GTPBP4: variants seen among roughly 807,000 people sequenced by gnomAD.
The protein encoded by GTPBP4 is GTP-binding protein 4.
A neutral mutation model predicts 81.7 loss-of-function variants in GTPBP4; 15 were observed. That is an observed-to-expected ratio of 0.18 (90% CI 0.12 to 0.28). The LOEUF (loss-of-function observed/expected upper bound fraction) is 0.28. GTPBP4 is among the 10% of genes least tolerant of loss of function. GTPBP4 has a pLI of 1.00. For synonymous variants in GTPBP4, 272 were observed against 274.6 expected, an observed-to-expected ratio of 0.99 and a Z score of 0.09; for missense variants, 847 against 793.8, an observed-to-expected ratio of 1.07 and a Z score of -0.81.
intron 5 of GTPBP4, among the ~76,000 whole-genome samples, chr10:998,407 C>A (rs566512729): frequency 6.6e-6 from 1 of 152,232 alleles, no homozygotes; most frequent in Non-Finnish European, 1.5e-5. Context: ...ACCTTAAGAT[C>A]ACTTTTGCTT....
intron 6 of GTPBP4, among the ~76,000 whole-genome samples, chr10:1,000,394 C>T (rs534758959): frequency 1.3e-5 from 2 of 151,624 alleles, no homozygotes; most frequent in Non-Finnish European, 2.9e-5. Flanking sequence ...CCCGCCACCA[C>T]GCCCAGCTAA....
chr10:1,014,069 C>T (rs992225633), intron 14 of GTPBP4, among the ~76,000 whole-genome samples, 178 bp from the exon 15 acceptor site: 5 of 152,094 alleles, frequency 3.3e-5, no homozygotes, highest in Non-Finnish European at 5.9e-5. Context: ...TGTTAGTTTT[C>T]GTGGGATTTA....
chr10:1,009,365 C>T (rs1047830856), intron 11 of GTPBP4, among the ~76,000 whole-genome samples, 164 bp from the exon 12 acceptor site: 12 of 152,174 alleles, frequency 7.9e-5, no homozygotes, highest in Admixed American at 5.9e-4. Flanking sequence ...AGGCTGGCCC[C>T]GCAGACAGGG....
At chr10:1,007,801 G>C (rs1325978197) in intron 10 of GTPBP4, 5 of 468,286 alleles carry the variant, frequency 1.1e-5, no homozygotes, top group African/African-American at 9.9e-5. Flanking sequence ...CTGACTGTCA[G>C]TCTTGTGTAA....
At position 992,529 on chromosome 10, in the gene GTPBP4, C is replaced by A; in HGVS notation, c.89C>A (p.Thr30Asn). Residue 30 changes from threonine (T) to asparagine (N), a missense_variant, in exon 2 of 17, where the codon ACT becomes AAT. Coordinates refer to ENST00000360803, the MANE Select transcript of GTPBP4 (RefSeq NM_012341.3). ...ACGTTGTCGAAGACTCAACGAAAGACTCCAACCGTTATTCATAAACATTAC... is the reference window on the plus strand; with the variant it reads ...ACGTTGTCGAAGACTCAACGAAAGAATCCAACCGTTATTCATAAACATTAC... ...DLTLSKTQRK[T>N]PTVIHKHYQI... The A allele has an allele frequency of 6.2e-7, 1 of 1,605,958 alleles. No homozygotes were observed. Among genetic ancestry groups the A allele is most frequent in the Non-Finnish European group, 8.5e-7 (1 of 1,172,888 alleles).
intron 6 of GTPBP4, among the ~76,000 whole-genome samples, chr10:999,367 C>T (rs912733839): frequency 6.6e-6 from 1 of 152,082 alleles, no homozygotes; most frequent in South Asian, 2.1e-4. Flanking sequence ...GTGATCTGCC[C>T]GCCTTGGCCT....
At chr10:1,007,160 A>T (rs1337909752) in intron 10 of GTPBP4, 32 bp downstream of exon 10, 9 of 1,207,082 alleles carry the variant, frequency 7.5e-6, no homozygotes, top group Non-Finnish European at 1.1e-5. Context: ...CCGTGGGCTC[A>T]CAGTACTGTC....
intron 10 of GTPBP4, among the ~76,000 whole-genome samples, chr10:1,007,599 G>GT (rs1276770866): frequency 3.9e-5 from 6 of 152,206 alleles, no homozygotes; most frequent in Non-Finnish European, 5.9e-5. Flanking sequence ...AATTTTCATT[G>GT]TTTTGTCCAT....
At chr10:993,726 A>C (rs185777050) in intron 2 of GTPBP4, among the ~76,000 whole-genome samples, 2 of 152,318 alleles carry the variant, frequency 1.3e-5, no homozygotes, top group East Asian at 3.9e-4. Context: ...TAGTCCCTGA[A>C]GGCAGGTGTA....
At chr10:1,010,346 A>C in intron 12 of GTPBP4, 74 bp from the exon 13 acceptor site, 2 of 769,896 alleles carry the variant, frequency 2.6e-6, no homozygotes, top group Non-Finnish European at 2.3e-6. Context: ...GTCAGTCACA[A>C]CTCATTTTGC....
intron 8 of GTPBP4, among the ~76,000 whole-genome samples, chr10:1,002,471 G>A (rs1262222449): frequency 2.6e-5 from 4 of 152,148 alleles, no homozygotes; most frequent in African/African-American, 9.7e-5. Context: ...TTCAGTCTAT[G>A]TGTGTCTTAA....
intron 5 of GTPBP4, among the ~76,000 whole-genome samples, 173 bp from the exon 6 acceptor site, chr10:998,830 C>G (rs1407289997): frequency 6.6e-6 from 1 of 152,154 alleles, no homozygotes; most frequent in East Asian, 1.9e-4. Flanking sequence ...GTACCCCAGT[C>G]CTTGGCCTGG....
At position 1,019,823 on chromosome 10, in the gene GTPBP4, C is replaced by G; in HGVS notation, c.*2596C>G. 6.2e-7 allele frequency: 1 copy of G among 1,612,250 alleles called. No homozygotes were observed. The highest frequency in any genetic ancestry group is 8.5e-7 in the Non-Finnish European group (1 of 1,178,362). On this transcript the variant is annotated 3_prime_UTR_variant, in exon 17 of 17. Coordinates refer to ENST00000360803, the MANE Select transcript of GTPBP4 (RefSeq NM_012341.3). ...GATAGATTGTCATGAACACAATGTC[C>G]TCTGGAGAAATCTATTGACAGAAAT...
intron 5 of GTPBP4, among the ~76,000 whole-genome samples, chr10:998,626 A>G (rs1319426741): frequency 6.6e-6 from 1 of 151,536 alleles, no homozygotes; most frequent in African/African-American, 2.4e-5. Flanking sequence ...GAAAATTTCA[A>G]CTCCTCAGTC....
chr10:1,006,600 T>TGCACTACA (rs1382946356), intron 9 of GTPBP4, among the ~76,000 whole-genome samples: 1 of 152,096 alleles, frequency 6.6e-6, no homozygotes, highest in Non-Finnish European at 1.5e-5. Flanking sequence ...ATCATGCCAC[T>TGCACTACA]GCACTACAGC....
In GTPBP4 at chr10:1,017,213, A is replaced by G. The variant is rs1344741811; in HGVS notation, c.1891A>G (p.Lys631Glu). The change falls in exon 17 of 17, where the codon AAG becomes GAG. Residue 631 changes from lysine to glutamate, a missense_variant. By Grantham distance (56) the Lys-to-Glu change is moderately conservative. Around this residue, in one of 3 missense-constraint regions of GTPBP4, gnomAD observed 600 missense variants for 557.1 expected, o/e 1.08. Coordinates refer to ENST00000360803, the MANE Select transcript of GTPBP4 (RefSeq NM_012341.3). ...GTCTGGGAAGAGGAAAGCTGGTAAA[A>G]AGGACAGGAGATAGTATCCGTTTGG... ...LLSGKRKAGK[K>E]DRR 1 of 1,614,024 alleles carries G rather than the reference A, an allele frequency of 6.2e-7. No individual in the cohort carries two copies. The highest frequency in any genetic ancestry group is 8.5e-7 in the Non-Finnish European group (1 of 1,179,974).
At chr10:1,006,613 G>C (rs1423999716) in intron 9 of GTPBP4, among the ~76,000 whole-genome samples, 1 of 152,158 alleles carries the variant, frequency 6.6e-6, no homozygotes, top group Non-Finnish European at 1.5e-5. Context: ...ACTACAGCCT[G>C]GGCAGCAAGA....
rs547104283 is a variant in GTPBP4 at position 1,012,113 on chromosome 10, A to AATC, written c.1345-350_1345-348dup. Among the ~76,000 whole-genome samples, 21 of 152,296 alleles carry AATC rather than the reference A, an allele frequency of 1.4e-4. 1 individual carries two copies. In the East Asian group the frequency reaches 3.9e-3, roughly 28 times the overall value. ...AACGGACACGTGGGATGTGGCACGA[A>AATC]ATCAGTGTCTCAGGACTGAGTTCCT... is the stretch of plus-strand genomic sequence containing the variant. On this transcript the variant is annotated intron_variant, in intron 13 of 16. Transcript: ENST00000360803.
chr10:1,008,805 C>T, intron 10 of GTPBP4, 153 bp from the exon 11 acceptor site: 1 of 690,586 alleles, frequency 1.4e-6, no homozygotes, highest in Non-Finnish European at 2.7e-6. Flanking sequence ...GAACCCACTC[C>T]TCTCCCCTAA....
Sources: gnomAD v4.1 joint callset for allele counts (sites outside exome capture counted in the v4.1 genomes callset) on GRCh38, gnomAD v4.1.1 for gene constraint, gnomAD v4.1.1 regional missense constraint, MANE v1.5 for transcripts, NCBI Gene and HGNC (gene_info 2026-07-23, HGNC 2026-07-21) for gene names.